ATXN3: variants seen among roughly 807,000 people sequenced by gnomAD.
ATXN3 encodes the protein ataxin-3.
In ATXN3, 28 loss-of-function variants were observed where a neutral mutation model predicts 58.2. The ratio of observed to expected loss-of-function variants is 0.48; its 90% CI spans 0.36 to 0.66. The LOEUF (loss-of-function observed/expected upper bound fraction) is 0.66, where lower values mean the gene tolerates loss of function less well. Among genes scored for constraint, ATXN3 ranks in the 30% least tolerant of loss-of-function variants. The pLI is 0.00. For missense variants in ATXN3, 321 were observed against 422.1 expected (o/e 0.76, Z 2.10); for synonymous variants, 113 against 138.5 (o/e 0.82, Z 1.29).
Position 92,064,420 on chromosome 14 carries a change from G to A in ATXN3, c.992-6C>T. 2 of 1,592,676 alleles carry A rather than the reference G, an allele frequency of 1.3e-6. No homozygotes were observed. Among genetic ancestry groups the A allele is most frequent in the Non-Finnish European group, 1.7e-6 (2 of 1,167,428 alleles). On this transcript the variant is annotated splice_polypyrimidine_tract_variant and splice_region_variant and intron_variant, in intron 10 of 10. Coordinates refer to ENST00000644486, the MANE Select transcript of ATXN3 (RefSeq NM_004993.6). ...TTCTTCACTCATAGCATCACCTGTT[G>A]GGAAACAAAACCACATTTCTTTAAA...
At chr14:92,057,506 T>G (rs984271018), downstream of ATXN3, among the ~76,000 whole-genome samples, 1 of 152,078 alleles carries the variant, frequency 6.6e-6, no homozygotes, top group Non-Finnish European at 1.5e-5. Flanking sequence ...AGCCATTCTT[T>G]TATTCCTCTA....
At chr14:92,084,565 C>G (rs1425722327) in intron 6 of ATXN3, among the ~76,000 whole-genome samples, 1 of 144,866 alleles carries the variant, frequency 6.9e-6, no homozygotes, top group Non-Finnish European at 1.5e-5. Context: ...TTAAGTTTCT[C>G]TATCATTAAT....
At position 92,064,191 on chromosome 14, in the gene ATXN3, AT is replaced by A; in HGVS notation, c.*128del. The stretch of plus-strand genomic sequence containing the variant: ...CGACGCATTGTTCCACTTTCCCATC[AT>A]TTTGTTTGCAAACCGCTAAAAGTCT... On this transcript the variant is annotated 3_prime_UTR_variant, in exon 11 of 11. Transcript: ENST00000644486. 3.5e-6 allele frequency: 2 copies of A among 577,274 alleles called. No individual in the cohort carries two copies. The highest frequency in any genetic ancestry group is 6.0e-6 in the Non-Finnish European group (2 of 334,756). 35.8% of individuals were successfully genotyped at this position (577,274 alleles called of 1,614,324 possible).
At chr14:92,093,563 C>T (rs1215474894) in intron 4 of ATXN3, 183 bp downstream of exon 4, 1 of 641,950 alleles carries the variant, frequency 1.6e-6, no homozygotes, top group Non-Finnish European at 2.7e-6. Flanking sequence ...CACTGGGGTG[C>T]CAGGAAGGCT....
At chr14:92,105,650 T>C (rs1007209002) in intron 1 of ATXN3, among the ~76,000 whole-genome samples, 1 of 152,152 alleles carries the variant, frequency 6.6e-6, no homozygotes, top group African/African-American at 2.4e-5. Context: ...GCCAAAGCTG[T>C]CCTGGGGAAG....
In ATXN3 at chr14:92,092,384, G is replaced by A. The variant is rs1393685700; in HGVS notation, c.387+868C>T. On this transcript the variant is annotated intron_variant, in intron 5 of 10. Coordinates refer to ENST00000644486, the MANE Select transcript of ATXN3 (RefSeq NM_004993.6). ...CTAATAACAAGGACGTTAAATGATT[G>A]TTTCTTAAAATAGCTTGCTCAAGAC... is the stretch of plus-strand genomic sequence containing the variant. 2.0e-5 allele frequency among the ~76,000 whole-genome samples: 3 copies of A among 152,196 alleles called. No homozygotes were observed. The East Asian group carries it at 5.8e-4, about 29-fold the overall frequency.
chr14:92,093,942 AGGT>A, intron 3 of ATXN3, 111 bp from the exon 4 acceptor site: 1 of 525,234 alleles, frequency 1.9e-6, no homozygotes. Context: ...AGAAGGCTAT[AGGT>A]TTTTTTTTTT....
intron 9 of ATXN3, among the ~76,000 whole-genome samples, chr14:92,074,069 G>A (rs1391841939): frequency 6.7e-6 from 1 of 148,422 alleles, no homozygotes; most frequent in East Asian, 2.0e-4. Flanking sequence ...GCTCATACCT[G>A]TAATCACAAC....
chr14:92,084,038 G>A (rs1026334264), intron 6 of ATXN3, among the ~76,000 whole-genome samples: 2 of 152,128 alleles, frequency 1.3e-5, no homozygotes, highest in Non-Finnish European at 2.9e-5. Flanking sequence ...CAGGCCTTTT[G>A]CCACAGACTG....
chr14:92,084,324 A>AC (rs1402232363), intron 6 of ATXN3, among the ~76,000 whole-genome samples: 4 of 152,008 alleles, frequency 2.6e-5, no homozygotes, highest in African/African-American at 4.8e-5. Flanking sequence ...GGAAAGAGCT[A>AC]CCCCCACCCT....
At chr14:92,070,615 T>C (rs12588287) in intron 10 of ATXN3, 147,662 of 647,474 alleles carry the variant, frequency 0.23, 18,780 homozygotes, top group East Asian at 0.45. Context: ...TAAGGAATTT[T>C]TGGAGACTGT....
chr14:92,075,980 C>A (rs546870758), intron 9 of ATXN3, among the ~76,000 whole-genome samples: 11 of 152,300 alleles, frequency 7.2e-5, no homozygotes, highest in African/African-American at 2.6e-4. Context: ...ACACTTTCCT[C>A]CTCAATCAAT....
At chr14:92,048,845 A>G (rs557944265) in intron 1 of ATXN3, among the ~76,000 whole-genome samples, 1 of 152,174 alleles carries the variant, frequency 6.6e-6, no homozygotes, top group East Asian at 1.9e-4. Flanking sequence ...GAAAAGGAGG[A>G]TTCAAAGGAC....
Position 92,070,964 on chromosome 14 carries a change from G to C in ATXN3, c.962C>G (p.Thr321Ser), listed in dbSNP as rs533268889. 7.2e-7 allele frequency: 1 copy of C among 1,388,216 alleles called. No homozygotes were observed. The highest frequency in any genetic ancestry group is 9.4e-7 in the Non-Finnish European group (1 of 1,064,884). The allele number at this position is 1,388,216 out of a possible 1,614,324, so 86.0% of individuals were successfully genotyped here. ...QSSHPCERPA[T>S]SSGALGSDLG... The stretch of plus-strand genomic sequence containing the variant: ...ATCACTCCCAAGTGCTCCTGAACTG[G>C]TGGCTGGCCTTTCACATGGATGTGA... The change falls in exon 10 of 11, where the codon ACC (threonine) becomes AGC (serine). Residue 321 changes from threonine (T) to serine (S), a missense_variant. Around this residue, in one of 2 missense-constraint regions of ATXN3, gnomAD observed 200 missense variants for 223.2 expected, o/e 0.90. Coordinates refer to ENST00000644486, the MANE Select transcript of ATXN3 (RefSeq NM_004993.6).
chr14:92,077,368 A>G (rs1233436922), intron 9 of ATXN3, among the ~76,000 whole-genome samples: 2 of 150,182 alleles, frequency 1.3e-5, no homozygotes, highest in Non-Finnish European at 3.0e-5. Context: ...TTTTTTTGAG[A>G]CAGAGCCTCG....
intron 9 of ATXN3, among the ~76,000 whole-genome samples, chr14:92,077,123 A>G (rs187973435): frequency 2.6e-5 from 4 of 152,244 alleles, no homozygotes; most frequent in Admixed American, 2.6e-4. Flanking sequence ...TAGAGGCAAT[A>G]TAAGAATTGT....
At chr14:92,076,738 G>A (rs1286480463) in intron 9 of ATXN3, among the ~76,000 whole-genome samples, 1 of 151,796 alleles carries the variant, frequency 6.6e-6, no homozygotes, top group Non-Finnish European at 1.5e-5. Flanking sequence ...TCAGGAGTTC[G>A]AAACCAGCCT....
In ATXN3 at chr14:92,060,953, C is replaced by T. The variant is rs112586446; in HGVS notation, c.*3367G>A. 14,728 of 151,712 alleles carry T rather than the reference C, an allele frequency of 0.097. 753 individuals carry two copies. Among genetic ancestry groups the T allele is most frequent in the Non-Finnish European group, 0.12 (8,087 of 67,898 alleles). 9.4% of individuals were successfully genotyped at this position (151,712 alleles called of 1,614,324 possible). On this transcript the variant is annotated 3_prime_UTR_variant, in exon 11 of 11. Coordinates refer to ENST00000644486, the MANE Select transcript of ATXN3 (RefSeq NM_004993.6). ...TTCACCATTTTGGCCAAGCTGGTCT[C>T]GAACTCCCGACCTCGTGATCCACCC... is the stretch of plus-strand genomic sequence containing the variant.
At chr14:92,088,630 C>A in intron 6 of ATXN3, 100 bp downstream of exon 6, 2 of 831,070 alleles carry the variant, frequency 2.4e-6, no homozygotes, top group Admixed American at 4.2e-5. Context: ...TGTTTCACTG[C>A]CACTGCCAGA....
Sources: allele counts gnomAD v4.1 joint callset (sites outside exome capture counted in the v4.1 genomes callset), GRCh38; gene constraint gnomAD v4.1.1; regional missense constraint gnomAD v4.1.1; transcripts MANE v1.5; gene names NCBI Gene and HGNC (gene_info 2026-07-23, HGNC 2026-07-21).